The following GOLT1B variants were observed in gnomAD, a reference collection of about 807,000 sequenced individuals.
GOLT1B encodes the protein golgi transport 1B.
GOLT1B carries 3 observed loss-of-function variants against 15.4 expected under a neutral mutation model. The ratio of observed to expected loss-of-function variants is 0.19; its 90% CI spans 0.09 to 0.50. The LOEUF is 0.50. GOLT1B is among the 20% of genes least tolerant of loss of function. The pLI is 0.97. For synonymous variants in GOLT1B, 65 were observed against 56.2 expected, an observed-to-expected ratio of 1.16 and a Z score of -0.70; for missense variants, 145 against 160.4, an observed-to-expected ratio of 0.90 and a Z score of 0.52.
In GOLT1B at chr12:21,516,716, A is replaced by T. The variant is rs10770818; in HGVS notation, c.*1009A>T. The T allele has an allele frequency of 6.6e-6, 1 of 151,930 alleles. No homozygotes were observed. Among genetic ancestry groups the T allele is most frequent in the African/African-American group, 2.4e-5 (1 of 41,386 alleles). 9.4% of individuals were successfully genotyped at this position (151,930 alleles called of 1,614,324 possible). On this transcript the variant is annotated 3_prime_UTR_variant, in exon 5 of 5. Coordinates refer to ENST00000229314, the MANE Select transcript of GOLT1B (RefSeq NM_016072.5). The stretch of plus-strand genomic sequence containing the variant: ...ATGTTAAAAGGTTAAACTTATGGCT[A>T]TTTTTAAAGGGCTATTCATTTAATC...
chr12:21,502,980 G>A (rs962798285), intron 1 of GOLT1B, among the ~76,000 whole-genome samples: 11 of 152,102 alleles, frequency 7.2e-5, no homozygotes, highest in African/African-American at 2.7e-4. Flanking sequence ...TCAAGTCATG[G>A]CAGACCAACT....
chr12:21,507,217 A>C, intron 2 of GOLT1B: 1 of 442,922 alleles, frequency 2.3e-6, no homozygotes, highest in South Asian at 2.3e-5. Flanking sequence ...TGAGATTTAC[A>C]ATAGATTAAA....
At position 21,508,541 on chromosome 12, in the gene GOLT1B, T is replaced by C. The variant is rs755446813; in HGVS notation, c.276T>C (p.Tyr92=). 2 of 1,572,708 alleles carry C rather than the reference T, an allele frequency of 1.3e-6. No homozygotes were observed. The highest frequency in any genetic ancestry group is 2.7e-5 in the African/African-American group (2 of 73,732). Residue 92 remains tyrosine (Y), a synonymous_variant, in exon 3 of 5, where the codon TAT becomes TAC. Coordinates refer to ENST00000229314, the MANE Select transcript of GOLT1B (RefSeq NM_016072.5). ...WPLIGMIFEI[Y]GFFLLFRGFF... is the part of the protein sequence containing the mutation. The stretch of plus-strand genomic sequence containing the variant: ...TGATAGGCATGATCTTCGAAATTTA[T>C]GGATTTTTTCTCTTGTTCAGGTAAG...
intron 3 of GOLT1B, among the ~76,000 whole-genome samples, chr12:21,508,876 G>A (rs922797899): frequency 5.2e-5 from 5 of 96,146 alleles, no homozygotes; most frequent in Middle Eastern, 4.7e-3. Context: ...TCGATCAATC[G>A]GTAGGTAGGT....
chr12:21,507,255 A>G (rs1943685119), intron 2 of GOLT1B: 1 of 309,692 alleles, frequency 3.2e-6, no homozygotes, highest in African/African-American at 2.2e-5. Context: ...TAGGAGTTCA[A>G]AATAGATGAC....
In GOLT1B at chr12:21,518,107, A is replaced by G. The variant is rs1943768965; in HGVS notation, c.*2400A>G. On this transcript the variant is annotated 3_prime_UTR_variant, in exon 5 of 5. Transcript: ENST00000229314. ...TCAGATTATATTATCTAACAATTGA[A>G]TATTGTAAATATACTTGTCTTACCT... 6.6e-6 allele frequency: 1 copy of G among 152,476 alleles called. No homozygotes were observed. The highest frequency in any genetic ancestry group is 2.4e-5 in the African/African-American group (1 of 41,438). 9.4% of individuals were successfully genotyped at this position (152,476 alleles called of 1,614,324 possible).
chr12:21,512,276 T>C lies in GOLT1B; in HGVS notation c.297-19T>C, dbSNP rs936533290. 3 of 1,280,200 alleles carry C rather than the reference T, an allele frequency of 2.3e-6. No homozygotes were observed. Among genetic ancestry groups the C allele is most frequent in the Admixed American group, 1.9e-5 (1 of 52,788 alleles). The allele number at this position is 1,280,200 out of a possible 1,614,324, so 79.3% of individuals were successfully genotyped here. On this transcript the variant is annotated intron_variant, in intron 3 of 4. Coordinates refer to ENST00000229314, the MANE Select transcript of GOLT1B (RefSeq NM_016072.5). ...AGAAAATGTGTAAATATTAAGAACC[T>C]TTTTTTTCCCTCTCCCAGGGGCTTC...
In GOLT1B at chr12:21,515,948, T is replaced by C. The variant is rs559408977; in HGVS notation, c.*241T>C. 3 of 404,498 alleles carry C rather than the reference T, an allele frequency of 7.4e-6. No homozygotes were observed. In the East Asian group the frequency reaches 1.3e-4, roughly 17 times the overall value. The allele number at this position is 404,498 out of a possible 1,614,324, so 25.1% of individuals were successfully genotyped here. On this transcript the variant is annotated 3_prime_UTR_variant, in exon 5 of 5. Coordinates refer to ENST00000229314, the MANE Select transcript of GOLT1B (RefSeq NM_016072.5). ...CTGAGAGAGGTGAAATCCATGTTAA[T>C]GATGCTTAAGAAACTCTTGAAGGCT...
chr12:21,504,204 G>A (rs980982834), intron 1 of GOLT1B, among the ~76,000 whole-genome samples: 1 of 152,114 alleles, frequency 6.6e-6, no homozygotes, highest in Non-Finnish European at 1.5e-5. Flanking sequence ...TTAACTTGTG[G>A]ACAGTTTTTT....
At chr12:21,503,518 T>A (rs1246784599) in intron 1 of GOLT1B, among the ~76,000 whole-genome samples, 1 of 152,224 alleles carries the variant, frequency 6.6e-6, no homozygotes, top group Non-Finnish European at 1.5e-5. Context: ...GAGTGCCTGC[T>A]TTATAAAAAC....
chr12:21,503,684 A>G (rs557272983), intron 1 of GOLT1B, among the ~76,000 whole-genome samples: 59 of 152,356 alleles, frequency 3.9e-4, no homozygotes, highest in African/African-American at 1.4e-3. Context: ...TTAGTGAACC[A>G]AATGCATTTT....
At chr12:21,504,663 C>T (rs935786752) in intron 1 of GOLT1B, 5 of 468,326 alleles carry the variant, frequency 1.1e-5, no homozygotes, top group African/African-American at 7.9e-5. Context: ...TGAATTACCT[C>T]TAGGTCCATG....
At chr12:21,511,310 A>AG (rs1436763579) in intron 3 of GOLT1B, among the ~76,000 whole-genome samples, 2 of 152,198 alleles carry the variant, frequency 1.3e-5, no homozygotes, top group East Asian at 3.8e-4. Context: ...GGGCAAGGAA[A>AG]GGGGGGAGGG....
chr12:21,508,287 G>C, intron 2 of GOLT1B, 96 bp from the exon 3 acceptor site: 1 of 753,836 alleles, frequency 1.3e-6, no homozygotes, highest in South Asian at 1.9e-5. Context: ...CCAAACAAAT[G>C]TGCTTCTTTT....
intron 4 of GOLT1B, among the ~76,000 whole-genome samples, chr12:21,515,426 C>A (rs1409262803): frequency 1.3e-5 from 2 of 151,028 alleles, no homozygotes; most frequent in African/African-American, 2.4e-5. Context: ...CATGTTGCAC[C>A]CTTAAATTCA....
At chr12:21,510,060 G>T (rs1314265426) in intron 3 of GOLT1B, among the ~76,000 whole-genome samples, 2 of 152,242 alleles carry the variant, frequency 1.3e-5, no homozygotes, top group East Asian at 1.9e-4. Flanking sequence ...TTTTAGGAAG[G>T]TTGTTCTGAT....
intron 2 of GOLT1B, 44 bp from the exon 3 acceptor site, chr12:21,508,339 G>A: frequency 1.7e-6 from 2 of 1,165,692 alleles, no homozygotes; most frequent in Non-Finnish European, 2.5e-6. Context: ...TTTATGCATT[G>A]TGTTTAATTA....
chr12:21,504,473 GCTGGACTGTA>G (rs1943664252), intron 1 of GOLT1B: 6 of 454,330 alleles, frequency 1.3e-5, no homozygotes, highest in South Asian at 9.3e-5. Flanking sequence ...AATGTCTCCC[GCTGGACTGTA>G]CTGGATAAAG....
At chr12:21,502,186 G>T (rs929203217) in intron 1 of GOLT1B, among the ~76,000 whole-genome samples, 1 of 152,192 alleles carries the variant, frequency 6.6e-6, no homozygotes, top group Non-Finnish European at 1.5e-5. Flanking sequence ...CCCTATGTTG[G>T]GAGGGGAGCT....
Sources: gnomAD v4.1 joint callset for allele counts (sites outside exome capture counted in the v4.1 genomes callset) on GRCh38, gnomAD v4.1.1 for gene constraint, MANE v1.5 for transcripts, NCBI Gene and HGNC (gene_info 2026-07-23, HGNC 2026-07-21) for gene names.